The following CTNNA2 variants were observed in gnomAD, a reference collection of about 807,000 sequenced individuals.
CTNNA2 encodes the protein catenin alpha 2, also known as catenin alpha-2.
A neutral mutation model predicts 101.0 loss-of-function variants in CTNNA2; 42 were observed. That is an observed-to-expected ratio of 0.42 (90% CI 0.32 to 0.54). The LOEUF (loss-of-function observed/expected upper bound fraction) is 0.54, where lower values mean the gene tolerates loss of function less well. Among genes scored for constraint, CTNNA2 ranks in the 20% least tolerant of loss-of-function variants. CTNNA2 has a pLI of 0.14. For synonymous variants in CTNNA2, 450 were observed against 456.4 expected, an observed-to-expected ratio of 0.99 and a Z score of 0.18; for missense variants, 871 against 1,223.1, an observed-to-expected ratio of 0.71 and a Z score of 4.29.
intron 7 of CTNNA2, among the ~76,000 whole-genome samples, chr2:80,144,554 G>T (rs956931721): frequency 1.3e-5 from 2 of 152,116 alleles, no homozygotes; most frequent in South Asian, 4.1e-4. Flanking sequence ...CTTAGAGGAC[G>T]GTGTTGAGGG....
intron 2 of CTNNA2, among the ~76,000 whole-genome samples, chr2:79,721,685 G>C (rs1394722145): frequency 6.6e-6 from 1 of 152,128 alleles, no homozygotes; most frequent in Non-Finnish European, 1.5e-5. Flanking sequence ...TTTGTAATTG[G>C]TACTAAATAA....
intron 7 of CTNNA2, among the ~76,000 whole-genome samples, chr2:80,122,820 A>G (rs1701915032): frequency 1.3e-5 from 2 of 152,106 alleles, no homozygotes; most frequent in Admixed American, 1.3e-4. Context: ...GACACTGGAG[A>G]GTGAAGACAT....
chr2:79,318,572 C>T (rs905647530), intron 3 of CTNNA2, among the ~76,000 whole-genome samples: 1 of 152,106 alleles, frequency 6.6e-6, no homozygotes, highest in African/African-American at 2.4e-5. Flanking sequence ...TTAAGGTGCT[C>T]ACTATTGGAT....
intron 3 of CTNNA2, among the ~76,000 whole-genome samples, chr2:79,753,018 G>T (rs1393649642): frequency 6.6e-6 from 1 of 152,158 alleles, no homozygotes; most frequent in South Asian, 2.1e-4. Flanking sequence ...AAATGATCTC[G>T]ATTATTTTGA....
intron 7 of CTNNA2, among the ~76,000 whole-genome samples, chr2:79,955,285 A>G (rs928487977): frequency 6.6e-6 from 1 of 152,174 alleles, no homozygotes; most frequent in African/African-American, 2.4e-5. Context: ...GGTTTAATAG[A>G]TTAAATTTTA....
Position 80,647,567 on chromosome 2 carries a change from A to ATTCT in CTNNA2, c.2575-15_2575-12dup. 6.3e-7 allele frequency: 1 copy of ATTCT among 1,583,190 alleles called. No individual in the cohort carries two copies. Reference sequence around the variant, plus strand: ...GCCTCCATTAACCCACATGTATCTCATTCTTTTCCTACTCTAGCTGGACAG... The same window carrying ATTCT: ...GCCTCCATTAACCCACATGTATCTCATTCTTTCTTTTCCTACTCTAGCTGGACAG... On this transcript the variant is annotated splice_polypyrimidine_tract_variant and intron_variant, in intron 18 of 18. Transcript: ENST00000402739.
chr2:80,359,495 AC>A (rs939871654), intron 7 of CTNNA2, among the ~76,000 whole-genome samples: 1 of 151,612 alleles, frequency 6.6e-6, no homozygotes, highest in Non-Finnish European at 1.5e-5. Flanking sequence ...TGGGTTTAGC[AC>A]CCCCCCTTTG....
chr2:80,564,650 C>A (rs759417991), intron 12 of CTNNA2, among the ~76,000 whole-genome samples: 12 of 151,802 alleles, frequency 7.9e-5, no homozygotes, highest in Admixed American at 5.3e-4. Flanking sequence ...ATTTTCCCAA[C>A]ATGAATTTAT....
At chr2:80,515,344 GA>G (rs1382113355) in intron 9 of CTNNA2, among the ~76,000 whole-genome samples, 3 of 152,114 alleles carry the variant, frequency 2.0e-5, no homozygotes, top group African/African-American at 7.2e-5. Context: ...AAAAAGATAA[GA>G]TGATAAATTA....
chr2:80,194,962 C>T (rs942588601), intron 7 of CTNNA2, among the ~76,000 whole-genome samples: 3 of 152,058 alleles, frequency 2.0e-5, no homozygotes, highest in Non-Finnish European at 4.4e-5. Context: ...TTTCTTCCTT[C>T]TGCCTAATAA....
rs1024547000 is a variant in CTNNA2 at position 80,439,307 on chromosome 2, G to A, written c.1290+19706G>A. Among the ~76,000 whole-genome samples, 3 of 152,120 alleles carry A rather than the reference G, an allele frequency of 2.0e-5. No homozygotes were observed. In the East Asian group the frequency reaches 5.8e-4, roughly 29 times the overall value. ...GCTGCATTTTAATGTTAGGATATTT[G>A]CAAAAAAGTTGGCGGTTATATGAAT... On this transcript the variant is annotated intron_variant, in intron 9 of 18. Coordinates refer to ENST00000402739, the MANE Select transcript of CTNNA2 (RefSeq NM_001282597.3).
intron 9 of CTNNA2, among the ~76,000 whole-genome samples, chr2:80,458,623 T>C (rs1684174314): frequency 6.6e-6 from 1 of 152,182 alleles, no homozygotes; most frequent in Admixed American, 6.5e-5. Flanking sequence ...TTGTGAAAAA[T>C]CATTTTTTTA....
chr2:79,255,349 G>C (rs1436773460), intron 2 of CTNNA2, among the ~76,000 whole-genome samples: 1 of 152,112 alleles, frequency 6.6e-6, no homozygotes, highest in East Asian at 1.9e-4. Context: ...GTGAATGTTT[G>C]TTCAGATTCC....
intron 9 of CTNNA2, among the ~76,000 whole-genome samples, chr2:80,435,211 G>T (rs1343067675): frequency 1.3e-5 from 2 of 152,140 alleles, no homozygotes; most frequent in Non-Finnish European, 2.9e-5. Flanking sequence ...AAATAAATAT[G>T]CATATGCACA....
At position 79,641,688 on chromosome 2, in the gene CTNNA2, A is replaced by G. The variant is rs111893035; in HGVS notation, c.-5-9864A>G. Among the ~76,000 whole-genome samples, 8 of 152,320 alleles carry G rather than the reference A, an allele frequency of 5.3e-5. 1 individual carries two copies. The highest frequency in any genetic ancestry group is 1.9e-4 in the African/African-American group (8 of 41,574). ...ACATAGGTTGATACTCAAGTGGAAA[A>G]CAACCCATAATTTAGGAGTAGACTG... On this transcript the variant is annotated intron_variant, in intron 1 of 18. Coordinates refer to ENST00000402739, the MANE Select transcript of CTNNA2 (RefSeq NM_001282597.3).
intron 3 of CTNNA2, among the ~76,000 whole-genome samples, chr2:79,775,538 G>A (rs868658621): frequency 3.9e-5 from 6 of 152,220 alleles, no homozygotes; most frequent in South Asian, 4.1e-4. Flanking sequence ...AACATGTGCC[G>A]TGGTGGTTTG....
chr2:79,622,137 A>C (rs539014718), intron 1 of CTNNA2, among the ~76,000 whole-genome samples: 2 of 152,352 alleles, frequency 1.3e-5, no homozygotes, highest in East Asian at 3.9e-4. Flanking sequence ...TGGCTCCTTA[A>C]GAATGGCAAA....
chr2:80,456,080 T>C (rs1316476420), intron 9 of CTNNA2, among the ~76,000 whole-genome samples: 18 of 152,190 alleles, frequency 1.2e-4, no homozygotes, highest in Admixed American at 1.2e-3. Context: ...TGTGAGGATT[T>C]TGAGTTGAAG....
At chr2:79,656,592 G>C (rs1025957914) in intron 2 of CTNNA2, among the ~76,000 whole-genome samples, 1 of 151,942 alleles carries the variant, frequency 6.6e-6, no homozygotes, top group African/African-American at 2.4e-5. Flanking sequence ...TATCAATAAT[G>C]ATATATATGA....
Sources: gnomAD v4.1 joint callset for allele counts (sites outside exome capture counted in the v4.1 genomes callset) on GRCh38, gnomAD v4.1.1 for gene constraint, MANE v1.5 for transcripts, NCBI Gene and HGNC (gene_info 2026-07-23, HGNC 2026-07-21) for gene names.